Variants in RORA observed in about 807,000 individuals in gnomAD.
RORA encodes the protein RAR related orphan receptor A, also known as nuclear receptor ROR-alpha.
Under a neutral mutation model 69.5 loss-of-function variants are expected in RORA, and 7 were observed. The observed-to-expected ratio is 0.10, with a 90% CI of 0.06 to 0.19. The LOEUF (loss-of-function observed/expected upper bound fraction) is 0.19. RORA is among the 10% of genes least tolerant of loss of function. RORA has a pLI of 1.00. For missense variants in RORA, 457 were observed against 663.0 expected, an observed-to-expected ratio of 0.69 and a Z score of 3.41; for synonymous variants, 261 against 240.8, an observed-to-expected ratio of 1.08 and a Z score of -0.78.
At chr15:61,117,178 CTTT>C (rs35859710) in intron 1 of RORA, among the ~76,000 whole-genome samples, 5 of 138,386 alleles carry the variant, frequency 3.6e-5, no homozygotes, top group Non-Finnish European at 1.6e-5. Flanking sequence ...TTAAAAGTTA[CTTT>C]TTTTTTTTTT....
chr15:60,520,663 C>T (rs2141384631), intron 3 of RORA, among the ~76,000 whole-genome samples: 1 of 151,758 alleles, frequency 6.6e-6, no homozygotes, highest in South Asian at 2.1e-4. Context: ...GATTGGAGGT[C>T]ATACAGAGAG....
At position 60,637,102 on chromosome 15, in the gene RORA, G is replaced by A. The variant is rs144840547; in HGVS notation, c.196+41555C>T. Among the ~76,000 whole-genome samples the A allele has an allele frequency of 4.9e-3, 738 of 152,092 alleles. 1 individual carries two copies. Among genetic ancestry groups the A allele is most frequent in the Non-Finnish European group, 6.0e-3 (406 of 67,938 alleles). ...TCCTTAGAATAATCTACTGGAAGTA[G>A]GATTACCAAATCAAAGAGTATCATC... On this transcript the variant is annotated intron_variant, in intron 2 of 10. Transcript: ENST00000335670.
chr15:61,127,086 C>T (rs1164218857), intron 1 of RORA, among the ~76,000 whole-genome samples: 1 of 152,142 alleles, frequency 6.6e-6, no homozygotes, highest in Non-Finnish European at 1.5e-5. Context: ...CTATATTAGA[C>T]ACCTACCCAG....
At chr15:61,194,306 T>C (rs1338043886) in intron 1 of RORA, among the ~76,000 whole-genome samples, 3 of 152,172 alleles carry the variant, frequency 2.0e-5, no homozygotes, top group African/African-American at 7.2e-5. Context: ...ATGCCTGTAA[T>C]CCCAGCACTT....
At chr15:60,592,535 G>T in intron 2 of RORA, 1 of 1,286,446 alleles carries the variant, frequency 7.8e-7, no homozygotes, top group Non-Finnish European at 9.8e-7. Context: ...CTGCCCGCCC[G>T]CCGAGAGCCA....
chr15:61,117,201 A>G (rs1227235659), intron 1 of RORA, among the ~76,000 whole-genome samples: 1 of 146,666 alleles, frequency 6.8e-6, no homozygotes, highest in Non-Finnish European at 1.5e-5. Context: ...TTTTAACATA[A>G]ACTGCCTCAG....
chr15:60,493,870 A>AT lies in RORA; in HGVS notation c.*3584dup, dbSNP rs2065098451. 6.6e-6 allele frequency: 1 copy of AT among 151,872 alleles called. No homozygotes were observed. Among genetic ancestry groups the AT allele is most frequent in the African/African-American group, 2.4e-5 (1 of 41,322 alleles). The allele number at this position is 151,872 out of a possible 1,614,324, so 9.4% of individuals were successfully genotyped here. ...CCCATCTTCTAGTTTTGATTTAAGT[A>AT]TTTTGAATACATTTTCTTTTCCATT... On this transcript the variant is annotated 3_prime_UTR_variant, in exon 11 of 11. Transcript: ENST00000335670.
At chr15:60,922,740 G>A (rs1388301765) in intron 1 of RORA, among the ~76,000 whole-genome samples, 1 of 152,172 alleles carries the variant, frequency 6.6e-6, no homozygotes, top group African/African-American at 2.4e-5. Flanking sequence ...AGAAAAAAGG[G>A]TATTGTCATG....
intron 1 of RORA, among the ~76,000 whole-genome samples, chr15:61,084,746 C>T (rs112624146): frequency 4.6e-5 from 7 of 152,216 alleles, no homozygotes; most frequent in African/African-American, 7.2e-5. Context: ...TACAACTTCA[C>T]CAAAAGTGTT....
intron 1 of RORA, among the ~76,000 whole-genome samples, chr15:60,696,399 ATTAAG>A (rs946868897): frequency 6.6e-6 from 1 of 152,184 alleles, no homozygotes; most frequent in Non-Finnish European, 1.5e-5. Flanking sequence ...TTCCAGAAAA[ATTAAG>A]TTAACTATTA....
intron 1 of RORA, among the ~76,000 whole-genome samples, chr15:61,085,678 A>G (rs2078614707): frequency 6.6e-6 from 1 of 152,186 alleles, no homozygotes. Flanking sequence ...ATGGCACAAG[A>G]GCAGTCAGAA....
intron 1 of RORA, among the ~76,000 whole-genome samples, chr15:60,730,326 C>G (rs2071412450): frequency 6.6e-6 from 1 of 152,208 alleles, no homozygotes; most frequent in Non-Finnish European, 1.5e-5. Flanking sequence ...GTAGGAAATG[C>G]CATTCTTCTC....
chr15:60,505,092 T>C (rs2065456714), intron 6 of RORA, among the ~76,000 whole-genome samples: 1 of 152,228 alleles, frequency 6.6e-6, no homozygotes, highest in Admixed American at 6.5e-5. Context: ...TTTTTGTATA[T>C]ACTCCCTAAT....
chr15:60,727,496 G>A (rs970792341), intron 1 of RORA, among the ~76,000 whole-genome samples: 1 of 152,130 alleles, frequency 6.6e-6, no homozygotes. Context: ...TCCTCTCGCT[G>A]ACAGCTGATC....
intron 1 of RORA, among the ~76,000 whole-genome samples, chr15:60,723,145 T>A (rs763004910): frequency 1.3e-5 from 2 of 152,244 alleles, no homozygotes; most frequent in Non-Finnish European, 2.9e-5. Context: ...ATTTAAATGA[T>A]ACATAGGGAC....
chr15:61,056,839 A>G (rs1231767389), intron 1 of RORA, among the ~76,000 whole-genome samples: 2 of 152,202 alleles, frequency 1.3e-5, no homozygotes, highest in African/African-American at 4.8e-5. Flanking sequence ...TGCTGAGTAC[A>G]GATAAAAATA....
Position 60,495,585 on chromosome 15 carries a change from C to T in RORA, c.*1870G>A, listed in dbSNP as rs952857013. On this transcript the variant is annotated 3_prime_UTR_variant, in exon 11 of 11. Transcript: ENST00000335670. ...TGGTAACCTAGCATGACGTGAAGAG[C>T]TGCAATTCCTGTAGAAGATTCCGCA... is the stretch of plus-strand genomic sequence containing the variant. The T allele has an allele frequency of 6.6e-6, 1 of 152,150 alleles. No homozygotes were observed. The highest frequency in any genetic ancestry group is 1.5e-5 in the Non-Finnish European group (1 of 68,032). The allele number at this position is 152,150 out of a possible 1,614,324, so 9.4% of individuals were successfully genotyped here.
At chr15:60,512,672 T>C (rs1407905222) in intron 4 of RORA, among the ~76,000 whole-genome samples, 1 of 152,244 alleles carries the variant, frequency 6.6e-6, no homozygotes, top group Non-Finnish European at 1.5e-5. Context: ...ACAAATATGG[T>C]ATTATAATAT....
At chr15:61,129,969 G>A (rs1358108247) in intron 1 of RORA, among the ~76,000 whole-genome samples, 2 of 152,188 alleles carry the variant, frequency 1.3e-5, no homozygotes, top group Non-Finnish European at 2.9e-5. Context: ...AATGAAAGGT[G>A]TATAAGATTA....
Sources: allele counts gnomAD v4.1 joint callset (sites outside exome capture counted in the v4.1 genomes callset), GRCh38; gene constraint gnomAD v4.1.1; transcripts MANE v1.5; gene names NCBI Gene and HGNC (gene_info 2026-07-23, HGNC 2026-07-21).